Variants in FER1L6 observed in about 807,000 individuals in gnomAD.
FER1L6 encodes the protein fer-1-like protein 6.
FER1L6 carries 177 observed loss-of-function variants against 219.2 expected under a neutral mutation model. The ratio of observed to expected loss-of-function variants is 0.81; its 90% CI spans 0.71 to 0.91. The LOEUF (loss-of-function observed/expected upper bound fraction) is 0.91. FER1L6 is among the 40% of genes least tolerant of loss of function. The pLI is 0.00. For synonymous variants in FER1L6, 768 were observed against 824.3 expected (o/e 0.93, Z 1.17); for missense variants, 2,153 against 2,259.9 (o/e 0.95, Z 0.96).
intron 16 of FER1L6, among the ~76,000 whole-genome samples, chr8:124,018,103 A>G (rs904364328): frequency 3.9e-5 from 6 of 152,194 alleles, no homozygotes; most frequent in African/African-American, 1.4e-4. Flanking sequence ...AAAATTTAAA[A>G]GCGCTTCTTG....
intron 5 of FER1L6, among the ~76,000 whole-genome samples, chr8:123,967,242 CAG>C (rs2130229146): frequency 6.6e-6 from 1 of 152,306 alleles, no homozygotes; most frequent in South Asian, 2.1e-4. Context: ...CGTATCCTTC[CAG>C]AGATATTCCA....
intron 22 of FER1L6, chr8:124,058,977 G>A (rs1290169640): frequency 1.3e-5 from 2 of 152,192 alleles, no homozygotes; most frequent in Non-Finnish European, 2.9e-5. Context: ...ATATGTCTGT[G>A]AAAACAGAAT....
At chr8:124,021,059 G>A (rs1452151385) in intron 16 of FER1L6, among the ~76,000 whole-genome samples, 1 of 152,138 alleles carries the variant, frequency 6.6e-6, no homozygotes, top group East Asian at 1.9e-4. Flanking sequence ...TGGCAGGCAA[G>A]AGAAGTGCCA....
chr8:123,934,972 C>A (rs777597635), intron 1 of FER1L6, among the ~76,000 whole-genome samples: 10 of 152,172 alleles, frequency 6.6e-5, no homozygotes, highest in Non-Finnish European at 1.3e-4. Context: ...TCCAGTCATG[C>A]TTCCTGTTAA....
Position 124,031,096 on chromosome 8 carries a change from G to T in FER1L6, c.2287-4181G>T, listed in dbSNP as rs574496630. Among the ~76,000 whole-genome samples the T allele has an allele frequency of 4.6e-5, 7 of 152,076 alleles. No homozygotes were observed. In the South Asian group the frequency reaches 8.3e-4, roughly 18 times the overall value. On this transcript the variant is annotated intron_variant, in intron 18 of 40. Coordinates refer to ENST00000522917, the MANE Select transcript of FER1L6 (RefSeq NM_001039112.2). The stretch of plus-strand genomic sequence containing the variant: ...TCTCAGAGGGAAATACCTTGCTGTG[G>T]TTGGTGAAGCTTCAGGGGCACATGA...
At chr8:124,048,805 C>A (rs2130774036) in intron 21 of FER1L6, among the ~76,000 whole-genome samples, 1 of 152,348 alleles carries the variant, frequency 6.6e-6, no homozygotes, top group Admixed American at 6.5e-5. Flanking sequence ...TAGACAGTGA[C>A]AGATGTGAGA....
intron 1 of FER1L6, among the ~76,000 whole-genome samples, chr8:123,866,319 A>T (rs1014410573): frequency 5.3e-5 from 8 of 150,864 alleles, no homozygotes; most frequent in African/African-American, 2.0e-4. Flanking sequence ...TATATATTTT[A>T]TATATATATA....
intron 1 of FER1L6, among the ~76,000 whole-genome samples, chr8:123,918,287 T>TG (rs1813248409): frequency 6.7e-6 from 1 of 148,224 alleles, no homozygotes; most frequent in Admixed American, 6.8e-5. Flanking sequence ...CCAGCCTGGG[T>TG]GACAGAGAGA....
chr8:124,067,665 TA>T (rs1820884013), intron 27 of FER1L6, 101 bp from the exon 28 acceptor site: 4 of 1,045,880 alleles, frequency 3.8e-6, no homozygotes, highest in Non-Finnish European at 5.7e-6. Flanking sequence ...AATACTCTTT[TA>T]AAATAGTGTC....
intron 22 of FER1L6, 25 bp downstream of exon 22, chr8:124,049,781 G>A: frequency 6.2e-7 from 1 of 1,613,102 alleles, no homozygotes; most frequent in South Asian, 1.1e-5. Flanking sequence ...TGTGGCACGA[G>A]ATCTATTAGG....
intron 22 of FER1L6, among the ~76,000 whole-genome samples, chr8:124,054,171 A>G (rs1160461980): frequency 6.6e-6 from 1 of 151,810 alleles, no homozygotes; most frequent in African/African-American, 2.4e-5. Flanking sequence ...GGCCTTCTTT[A>G]CTTTTCCTGT....
intron 35 of FER1L6, 24 bp from the exon 36 acceptor site, chr8:124,097,244 AAAG>A: frequency 1.9e-6 from 3 of 1,579,100 alleles, no homozygotes; most frequent in Non-Finnish European, 2.6e-6. Context: ...TCCCAAAGCT[AAAG>A]AAGATATTTT....
intron 28 of FER1L6, among the ~76,000 whole-genome samples, chr8:124,068,201 T>C (rs1820905143): frequency 6.6e-6 from 1 of 152,196 alleles, no homozygotes; most frequent in African/African-American, 2.4e-5. Flanking sequence ...GAAAGTCAGA[T>C]TTCAAATGAC....
intron 24 of FER1L6, 65 bp downstream of exon 24, chr8:124,060,774 G>C (rs113210398): frequency 6.6e-7 from 1 of 1,514,076 alleles, no homozygotes; most frequent in South Asian, 1.2e-5. Context: ...GATGTTTTAG[G>C]GTTTCAGATG....
At chr8:123,967,897 A>C (rs1586530913) in intron 5 of FER1L6, among the ~76,000 whole-genome samples, 2 of 152,252 alleles carry the variant, frequency 1.3e-5, no homozygotes, top group African/African-American at 4.8e-5. Flanking sequence ...TGGAGGTTGC[A>C]GTGAGCCGAG....
intron 2 of FER1L6, among the ~76,000 whole-genome samples, chr8:123,959,636 T>G (rs1474139342): frequency 6.6e-6 from 1 of 152,212 alleles, no homozygotes; most frequent in Non-Finnish European, 1.5e-5. Context: ...CTGTTGTGTG[T>G]GGTTTGCTGT....
At chr8:123,915,522 A>C (rs1179424072) in intron 1 of FER1L6, among the ~76,000 whole-genome samples, 1 of 152,144 alleles carries the variant, frequency 6.6e-6, no homozygotes, top group Non-Finnish European at 1.5e-5. Flanking sequence ...TTGACTGTTA[A>C]AATTCAATTC....
At chr8:123,945,043 A>G (rs1814426940) in intron 1 of FER1L6, among the ~76,000 whole-genome samples, 1 of 152,200 alleles carries the variant, frequency 6.6e-6, no homozygotes, top group Non-Finnish European at 1.5e-5. Flanking sequence ...GGATCAATGA[A>G]GCTTTCCTCA....
intron 13 of FER1L6, among the ~76,000 whole-genome samples, chr8:124,007,089 T>G (rs917953217): frequency 2.0e-5 from 3 of 152,244 alleles, no homozygotes; most frequent in African/African-American, 7.2e-5. Context: ...AAAACTTATG[T>G]GGCTTCTCTT....
Sources: allele counts gnomAD v4.1 joint callset (sites outside exome capture counted in the v4.1 genomes callset), GRCh38; gene constraint gnomAD v4.1.1; transcripts MANE v1.5; gene names NCBI Gene and HGNC (gene_info 2026-07-23, HGNC 2026-07-21).